BICD1: variants seen among roughly 807,000 people sequenced by gnomAD.
The protein encoded by BICD1 is protein bicaudal D homolog 1.
Under a neutral mutation model 92.5 loss-of-function variants are expected in BICD1, and 35 were observed. That is an observed-to-expected ratio of 0.38 (90% CI 0.29 to 0.50). BICD1 has a LOEUF of 0.50. Ranked by LOEUF, BICD1 falls within the 20% of genes least tolerant of loss-of-function variation. The pLI, the probability that BICD1 is intolerant of heterozygous loss-of-function variation, is 0.93. For missense variants in BICD1, 950 were observed against 1,189.8 expected (o/e 0.80, Z 2.97); for synonymous variants, 429 against 465.1 (o/e 0.92, Z 1.00).
At chr12:32,181,333 T>C (rs1390004286) in intron 1 of BICD1, among the ~76,000 whole-genome samples, 1 of 151,384 alleles carries the variant, frequency 6.6e-6, no homozygotes, top group African/African-American at 2.4e-5. Context: ...GGCAGGAGAA[T>C]CGCTTGGACC....
intron 1 of BICD1, among the ~76,000 whole-genome samples, chr12:32,121,530 T>A (rs1272672297): frequency 6.6e-6 from 1 of 151,338 alleles, no homozygotes; most frequent in Non-Finnish European, 1.5e-5. Context: ...GAGGCGGAGG[T>A]TGCAGTGAGC....
chr12:32,114,017 G>A (rs1941798928), intron 1 of BICD1, among the ~76,000 whole-genome samples: 1 of 151,776 alleles, frequency 6.6e-6, no homozygotes, highest in African/African-American at 2.4e-5. Context: ...TTATAGGCGC[G>A]CGCCACCACG....
In BICD1 at chr12:32,338,941, G is replaced by T; in HGVS notation, c.2726G>T (p.Arg909Leu). The change falls in exon 8 of 10, where the codon CGG becomes CTG. Residue 909 changes from arginine (R) to leucine (L), a missense_variant. Arg to Leu is a moderately radical substitution (Grantham distance 102). Coordinates refer to ENST00000652176, the MANE Select transcript of BICD1 (RefSeq NM_001714.4). ...PSMSEFIQGH[R>L]LSKEKRLTVA... ...ATGAGTGAATTCATCCAAGGGCACC[G>T]GCTCAGCAAGGAAAAAAGGTTAACC... The T allele has an allele frequency of 6.2e-7, 1 of 1,605,336 alleles. No individual in the cohort carries two copies. The highest frequency in any genetic ancestry group is 8.5e-7 in the Non-Finnish European group (1 of 1,176,788).
intron 2 of BICD1, among the ~76,000 whole-genome samples, chr12:32,276,048 G>A (rs897524819): frequency 2.0e-5 from 3 of 152,012 alleles, no homozygotes; most frequent in African/African-American, 2.4e-5. Flanking sequence ...AAGGATCCCC[G>A]GTAACATTTT....
intron 1 of BICD1, among the ~76,000 whole-genome samples, chr12:32,162,777 G>C (rs1426295234): frequency 6.6e-6 from 1 of 152,098 alleles, no homozygotes; most frequent in African/African-American, 2.4e-5. Flanking sequence ...GAATTCAGGA[G>C]TTTGAGACCA....
At chr12:32,196,642 A>T (rs1380158490) in intron 1 of BICD1, among the ~76,000 whole-genome samples, 1 of 152,180 alleles carries the variant, frequency 6.6e-6, no homozygotes, top group African/African-American at 2.4e-5. Flanking sequence ...ATTAGGGGAG[A>T]TATTAGTCAG....
At chr12:32,258,019 A>G (rs1946764379) in intron 2 of BICD1, among the ~76,000 whole-genome samples, 1 of 152,220 alleles carries the variant, frequency 6.6e-6, no homozygotes, top group African/African-American at 2.4e-5. Context: ...ATTTTGGAGC[A>G]TGTATATGAG....
At chr12:32,376,430 ATT>A (rs1233162555) in intron 9 of BICD1, among the ~76,000 whole-genome samples, 1 of 152,004 alleles carries the variant, frequency 6.6e-6, no homozygotes, top group Non-Finnish European at 1.5e-5. Context: ...GTGTTTTGTC[ATT>A]TTACCCTAGG....
At chr12:32,228,586 T>C (rs1945776551) in intron 2 of BICD1, among the ~76,000 whole-genome samples, 1 of 152,182 alleles carries the variant, frequency 6.6e-6, no homozygotes, top group Non-Finnish European at 1.5e-5. Context: ...ACTGCAGTCA[T>C]CCAGATATGC....
chr12:32,164,365 G>A (rs1355680952), intron 1 of BICD1, among the ~76,000 whole-genome samples: 1 of 152,074 alleles, frequency 6.6e-6, no homozygotes, highest in East Asian at 1.9e-4. Context: ...TCTCATTAGC[G>A]CACTTAAAAA....
intron 1 of BICD1, among the ~76,000 whole-genome samples, chr12:32,192,479 C>G (rs1592450089): frequency 7.7e-6 from 1 of 130,634 alleles, no homozygotes; most frequent in South Asian, 2.3e-4. Flanking sequence ...GATAGATAGA[C>G]AAATAAAGCA....
intron 3 of BICD1, among the ~76,000 whole-genome samples, chr12:32,297,131 G>T (rs1346654962): frequency 6.6e-6 from 1 of 152,182 alleles, no homozygotes; most frequent in Non-Finnish European, 1.5e-5. Flanking sequence ...TGCTGTGTTT[G>T]TTTCCAGTAG....
chr12:32,273,061 A>G (rs1336945018), intron 2 of BICD1, among the ~76,000 whole-genome samples: 1 of 152,096 alleles, frequency 6.6e-6, no homozygotes, highest in Non-Finnish European at 1.5e-5. Context: ...GAAGGCAAAA[A>G]CTTTCAGATG....
At chr12:32,179,806 C>A (rs1023861986) in intron 1 of BICD1, among the ~76,000 whole-genome samples, 1 of 151,578 alleles carries the variant, frequency 6.6e-6, no homozygotes, top group Non-Finnish European at 1.5e-5. Flanking sequence ...ACCTGGCCAG[C>A]ATGGTGAAGC....
chr12:32,284,008 C>T (rs1947489596), intron 2 of BICD1, among the ~76,000 whole-genome samples: 1 of 152,248 alleles, frequency 6.6e-6, no homozygotes, highest in Non-Finnish European at 1.5e-5. Flanking sequence ...CTTCCCTGCC[C>T]TCCCTCTACC....
In BICD1 at chr12:32,146,809, TCCTCCCTC is replaced by T. The variant is rs34969678; in HGVS notation, c.213+39285_213+39292del. On this transcript the variant is annotated intron_variant, in intron 1 of 9. Transcript: ENST00000652176. ...TGCTTCTCTTTCTCCCTTCCTCCTTTCCTCCCTCCCTCCCTCCCTCCCTCCCTTCCTTC... is the reference window on the plus strand; with the variant it reads ...TGCTTCTCTTTCTCCCTTCCTCCTTTCCTCCCTCCCTCCCTCCCTTCCTTC... Among the ~76,000 whole-genome samples, 304 of 106,108 alleles carry T rather than the reference TCCTCCCTC, an allele frequency of 2.9e-3. 1 individual carries two copies. The highest frequency in any genetic ancestry group is 9.9e-3 in the African/African-American group (272 of 27,338). 69.6% of individuals were successfully genotyped at this position (106,108 alleles called of 152,430 possible).
chr12:32,188,002 G>A (rs925602494), intron 1 of BICD1, among the ~76,000 whole-genome samples: 6 of 151,522 alleles, frequency 4.0e-5, no homozygotes, highest in Admixed American at 2.0e-4. Flanking sequence ...GCAATGGCAC[G>A]ATCTCGGCTC....
At chr12:32,248,209 G>A (rs1946439198) in intron 2 of BICD1, among the ~76,000 whole-genome samples, 1 of 152,186 alleles carries the variant, frequency 6.6e-6, no homozygotes, top group African/African-American at 2.4e-5. Flanking sequence ...GTAAAATGAA[G>A]CTAAGAATTA....
chr12:32,191,097 AG>A (rs1330967521), intron 1 of BICD1, among the ~76,000 whole-genome samples: 1 of 152,212 alleles, frequency 6.6e-6, no homozygotes, highest in Non-Finnish European at 1.5e-5. Flanking sequence ...CAATTCTAAG[AG>A]GGAAGTTTAG....
Sources: allele counts gnomAD v4.1 joint callset (sites outside exome capture counted in the v4.1 genomes callset), GRCh38; gene constraint gnomAD v4.1.1; transcripts MANE v1.5; gene names NCBI Gene and HGNC (gene_info 2026-07-23, HGNC 2026-07-21).